Variants in WWOX observed in about 807,000 individuals in gnomAD.
The protein encoded by WWOX is WW domain-containing oxidoreductase.
Under a neutral mutation model 46.2 loss-of-function variants are expected in WWOX, and 69 were observed. The ratio of observed to expected loss-of-function variants is 1.49; its 90% CI spans 1.23 to 1.82. The LOEUF (loss-of-function observed/expected upper bound fraction) is 1.82. Ranked by LOEUF, WWOX falls within the 40% of genes most tolerant of loss-of-function variation. The pLI, the probability that WWOX is intolerant of heterozygous loss-of-function variation, is 0.00. For synonymous variants in WWOX, 359 were observed against 202.6 expected (o/e 1.77, Z -6.56); for missense variants, 919 against 542.6 (o/e 1.69, Z -6.89).
chr16:79,127,598 G>C (rs979191696), intron 8 of WWOX, among the ~76,000 whole-genome samples: 1 of 152,100 alleles, frequency 6.6e-6, no homozygotes, highest in African/African-American at 2.4e-5. Flanking sequence ...CGCTTCCCAC[G>C]TGCATGCATG....
At chr16:78,643,932 A>G (rs925870737) in intron 8 of WWOX, among the ~76,000 whole-genome samples, 8 of 152,124 alleles carry the variant, frequency 5.3e-5, no homozygotes, top group Non-Finnish European at 1.0e-4. Flanking sequence ...AACAAACAAC[A>G]AAAAACACAG....
In WWOX at chr16:78,337,929, G is replaced by A. The variant is rs1003385895; in HGVS notation, c.517-48931G>A. Among the ~76,000 whole-genome samples the A allele has an allele frequency of 5.0e-5, 6 of 120,398 alleles. 2 individuals carry two copies. Among genetic ancestry groups the A allele is most frequent in the African/African-American group, 5.6e-5 (2 of 35,564 alleles). 79.0% of individuals were successfully genotyped at this position (120,398 alleles called of 152,430 possible). On this transcript the variant is annotated intron_variant, in intron 5 of 8. Coordinates refer to ENST00000566780, the MANE Select transcript of WWOX (RefSeq NM_016373.4). ...GCAGTGCCTGTCCTGCTAACCTCGT[G>A]TCTCTTGCTGGGGTCTTCATCAGTA...
At chr16:79,121,020 T>C (rs138631855) in intron 8 of WWOX, among the ~76,000 whole-genome samples, 3,019 of 152,264 alleles carry the variant, frequency 0.02, 35 homozygotes, top group Middle Eastern at 0.044. Flanking sequence ...CCACCTGCCT[T>C]GGCCTCCCAA....
intron 8 of WWOX, among the ~76,000 whole-genome samples, chr16:78,960,397 C>G (rs1479044990): frequency 3.3e-5 from 5 of 152,144 alleles, no homozygotes; most frequent in Non-Finnish European, 7.3e-5. Context: ...TGTCCTTCAG[C>G]CATCTAGACT....
At chr16:78,389,101 T>C (rs1165528499) in intron 6 of WWOX, among the ~76,000 whole-genome samples, 1 of 152,154 alleles carries the variant, frequency 6.6e-6, no homozygotes, top group Non-Finnish European at 1.5e-5. Flanking sequence ...AGCTGGCTTG[T>C]AGGAACAGTG....
chr16:78,739,219 G>T (rs917896799), intron 8 of WWOX, among the ~76,000 whole-genome samples: 1 of 152,130 alleles, frequency 6.6e-6, no homozygotes, highest in Non-Finnish European at 1.5e-5. Flanking sequence ...TGTGTTTGCC[G>T]AATGAAAGTG....
chr16:78,877,650 T>C (rs1597095681), intron 8 of WWOX, among the ~76,000 whole-genome samples: 1 of 152,318 alleles, frequency 6.6e-6, no homozygotes, highest in Non-Finnish European at 1.5e-5. Context: ...ATGAGTTTTG[T>C]GTTTATTCTC....
At chr16:78,251,948 G>A (rs1274839197) in intron 5 of WWOX, among the ~76,000 whole-genome samples, 3 of 152,174 alleles carry the variant, frequency 2.0e-5, no homozygotes, top group African/African-American at 4.8e-5. Context: ...ATCTTTGTTG[G>A]AGTATTTGAT....
intron 5 of WWOX, among the ~76,000 whole-genome samples, chr16:78,356,688 C>T (rs1343223366): frequency 6.6e-6 from 1 of 152,184 alleles, no homozygotes. Context: ...GAAGACCAGC[C>T]TGGCCAGCAT....
intron 8 of WWOX, among the ~76,000 whole-genome samples, chr16:78,670,679 T>A (rs187660194): frequency 2.6e-3 from 392 of 151,902 alleles, no homozygotes; most frequent in African/African-American, 5.6e-3. Flanking sequence ...TAAAAAAAAA[T>A]TTTTATTTAA....
chr16:78,235,822 G>T (rs561805714), intron 5 of WWOX, among the ~76,000 whole-genome samples: 4 of 152,306 alleles, frequency 2.6e-5, no homozygotes, highest in African/African-American at 9.6e-5. Flanking sequence ...CTAAGGAACT[G>T]CCCAGAGATC....
At chr16:78,900,224 G>C (rs1353096303) in intron 8 of WWOX, among the ~76,000 whole-genome samples, 1 of 152,004 alleles carries the variant, frequency 6.6e-6, no homozygotes, top group Non-Finnish European at 1.5e-5. Context: ...TTTATGACGA[G>C]ATTAAAGTCT....
chr16:78,508,694 G>A (rs956162480), intron 8 of WWOX, among the ~76,000 whole-genome samples: 5 of 152,272 alleles, frequency 3.3e-5, no homozygotes, highest in South Asian at 2.1e-4. Context: ...CAGAAGAAAC[G>A]CTGGTGGTCA....
At chr16:79,146,224 CAA>C (rs2050180475) in intron 8 of WWOX, among the ~76,000 whole-genome samples, 1 of 152,096 alleles carries the variant, frequency 6.6e-6, no homozygotes, top group Admixed American at 6.5e-5. Context: ...GAGGAGAAAA[CAA>C]AAAGAGTCTT....
chr16:78,697,815 G>C (rs2048132811), intron 8 of WWOX, among the ~76,000 whole-genome samples: 3 of 152,120 alleles, frequency 2.0e-5, no homozygotes, highest in Admixed American at 1.3e-4. Context: ...CCTAAGTTGA[G>C]GAGCATCTGT....
chr16:78,249,963 AGGCCAGGTCCCCAGTGAGC>A (rs911190894), intron 5 of WWOX, among the ~76,000 whole-genome samples: 9 of 152,302 alleles, frequency 5.9e-5, no homozygotes, highest in Non-Finnish European at 1.0e-4. Flanking sequence ...CAGAGGGCTG[AGGCCAGGTCCCCAGTGAGC>A]GGCTGAACAC....
chr16:78,899,268 T>C (rs1421474647), intron 8 of WWOX: 2 of 152,188 alleles, frequency 1.3e-5, no homozygotes, highest in African/African-American at 2.4e-5. Flanking sequence ...AGTTCTTTTA[T>C]AAATGTGTTC....
chr16:79,128,964 G>A (rs779025933), intron 8 of WWOX, among the ~76,000 whole-genome samples: 8 of 152,148 alleles, frequency 5.3e-5, no homozygotes, highest in Non-Finnish European at 1.2e-4. Flanking sequence ...TCACCAAAGG[G>A]GGCCAAGCGT....
chr16:78,809,448 C>T (rs757687339), intron 8 of WWOX, among the ~76,000 whole-genome samples: 9 of 151,916 alleles, frequency 5.9e-5, no homozygotes, highest in Non-Finnish European at 1.0e-4. Flanking sequence ...GAAATCACTT[C>T]TTAATTTTCA....
Sources: gnomAD v4.1 joint callset for allele counts (sites outside exome capture counted in the v4.1 genomes callset) on GRCh38, gnomAD v4.1.1 for gene constraint, MANE v1.5 for transcripts, NCBI Gene and HGNC (gene_info 2026-07-23, HGNC 2026-07-21) for gene names.